Variants in IL1RAPL2 observed in about 807,000 individuals in gnomAD.
IL1RAPL2 encodes interleukin 1 receptor accessory protein like 2.
Under a neutral mutation model 44.1 loss-of-function variants are expected in IL1RAPL2, and 3 were observed. That is an observed-to-expected ratio of 0.07 (90% CI 0.03 to 0.18). The LOEUF (loss-of-function observed/expected upper bound fraction) is 0.18. Ranked by LOEUF, IL1RAPL2 falls within the 10% of genes least tolerant of loss-of-function variation. IL1RAPL2 has a pLI of 1.00. For synonymous variants in IL1RAPL2, 181 were observed against 178.8 expected (o/e 1.01, Z -0.10); for missense variants, 391 against 496.4 (o/e 0.79, Z 2.02).
chrX:104,818,330 A>C lies in IL1RAPL2; in HGVS notation c.82+159335A>C, dbSNP rs112124365. Among the ~76,000 whole-genome samples the C allele has an allele frequency of 1.5e-3, 128 of 87,833 alleles. 1 individual carries two copies. Among genetic ancestry groups the C allele is most frequent in the African/African-American group, 5.6e-3 (122 of 21,758 alleles). 76.3% of individuals were successfully genotyped at this position (87,833 alleles called of 115,157 possible). A position where few individuals can be genotyped will look rare whatever the true frequency, so the allele number is the denominator to read the frequency against. ...CTGCACTCCAGCCTGGGCGACAGAG[A>C]GAGACTCCGTCTCAAAAAAAAAAAA... On this transcript the variant is annotated intron_variant, in intron 2 of 10. Coordinates refer to ENST00000372582, the MANE Select transcript of IL1RAPL2 (RefSeq NM_017416.2).
At chrX:105,049,974 A>G (rs1011903876) in intron 2 of IL1RAPL2, among the ~76,000 whole-genome samples, 2 of 111,915 alleles carry the variant, frequency 1.8e-5, no homozygotes, top group East Asian at 5.6e-4. Context: ...AGTTGTCCTT[A>G]TAGTGGTTCT....
intron 2 of IL1RAPL2, among the ~76,000 whole-genome samples, chrX:104,901,600 C>A (rs941107486): frequency 2.7e-5 from 3 of 110,516 alleles, no homozygotes; most frequent in Non-Finnish European, 5.7e-5. Flanking sequence ...CACCAGGTAA[C>A]CTTTCTGTGC....
intron 1 of IL1RAPL2, among the ~76,000 whole-genome samples, chrX:104,581,752 C>T (rs888700011): frequency 3.6e-5 from 4 of 111,513 alleles, no homozygotes; most frequent in Non-Finnish European, 7.5e-5. Context: ...TCGCTGGGAA[C>T]TTCTGACCTC....
At chrX:105,398,014 T>A (rs1046560044) in intron 5 of IL1RAPL2, among the ~76,000 whole-genome samples, 1 of 111,484 alleles carries the variant, frequency 9.0e-6, no homozygotes, top group Non-Finnish European at 1.9e-5. Context: ...AGACCTTTTA[T>A]ACTCAGAGTA....
chrX:105,667,137 A>AT (rs2037777623), intron 6 of IL1RAPL2, among the ~76,000 whole-genome samples: 1 of 111,989 alleles, frequency 8.9e-6, no homozygotes, highest in Non-Finnish European at 1.9e-5. Context: ...ATTGAAGAAT[A>AT]TTTTTTTCCA....
At chrX:105,215,661 AG>A (rs2033851565) in intron 3 of IL1RAPL2, among the ~76,000 whole-genome samples, 1 of 111,764 alleles carries the variant, frequency 8.9e-6, no homozygotes, top group South Asian at 3.7e-4. Context: ...CAACAAAAAG[AG>A]AAAATTTCAG....
chrX:105,027,369 G>A (rs988571806), intron 2 of IL1RAPL2, among the ~76,000 whole-genome samples: 12 of 111,071 alleles, frequency 1.1e-4, no homozygotes, highest in Non-Finnish European at 1.9e-4. Context: ...GGAAACAATC[G>A]TCAAAGTGAA....
intron 6 of IL1RAPL2, among the ~76,000 whole-genome samples, chrX:105,547,302 C>T (rs2036810421): frequency 8.9e-6 from 1 of 112,060 alleles, no homozygotes; most frequent in Admixed American, 9.5e-5. Flanking sequence ...ACTTGTTAGC[C>T]ATTTCAAATG....
chrX:105,561,697 C>G (rs912302205), intron 6 of IL1RAPL2, among the ~76,000 whole-genome samples: 24 of 111,961 alleles, frequency 2.1e-4, no homozygotes, highest in African/African-American at 7.8e-4. Flanking sequence ...AGATACAGTG[C>G]CTATGCTTCA....
intron 2 of IL1RAPL2, among the ~76,000 whole-genome samples, chrX:104,823,856 C>CTTCCTA (rs1399525568): frequency 8.9e-6 from 1 of 112,109 alleles, no homozygotes; most frequent in Non-Finnish European, 1.9e-5. Context: ...GAATTCCTCT[C>CTTCCTA]TTCCTATTTG....
At chrX:105,592,894 T>C (rs2037182818) in intron 6 of IL1RAPL2, among the ~76,000 whole-genome samples, 1 of 111,915 alleles carries the variant, frequency 8.9e-6, no homozygotes, top group African/African-American at 3.2e-5. Context: ...GAGAATCTGA[T>C]GACTATTTGT....
At chrX:105,216,567 T>C (rs1177061873) in intron 3 of IL1RAPL2, among the ~76,000 whole-genome samples, 1 of 110,250 alleles carries the variant, frequency 9.1e-6, no homozygotes, top group Non-Finnish European at 1.9e-5. Flanking sequence ...AAGCTACCAG[T>C]TACTTTCTTC....
intron 6 of IL1RAPL2, among the ~76,000 whole-genome samples, chrX:105,563,435 A>G (rs1292084154): frequency 8.9e-6 from 1 of 111,847 alleles, no homozygotes; most frequent in Non-Finnish European, 1.9e-5. Context: ...AGACCTATGC[A>G]AAAAGAAGCA....
At chrX:104,810,821 AG>A (rs769263045) in intron 2 of IL1RAPL2, among the ~76,000 whole-genome samples, 1 of 112,272 alleles carries the variant, frequency 8.9e-6, no homozygotes, top group South Asian at 3.7e-4. Context: ...GGCAACATTT[AG>A]CCAACTTACA....
At chrX:104,633,592 TTATC>T (rs1280794292) in intron 1 of IL1RAPL2, among the ~76,000 whole-genome samples, 6 of 112,100 alleles carry the variant, frequency 5.4e-5, no homozygotes, top group African/African-American at 1.9e-4. Context: ...GTCAAGGAAT[TTATC>T]TATTTCTTCT....
At chrX:104,754,368 G>A (rs768107014) in intron 2 of IL1RAPL2, among the ~76,000 whole-genome samples, 34 of 111,730 alleles carry the variant, frequency 3.0e-4, no homozygotes, top group Admixed American at 2.7e-3. Flanking sequence ...TGGCTACTGG[G>A]TATTGAAATA....
chrX:105,483,749 G>T (rs2036247623), intron 5 of IL1RAPL2, among the ~76,000 whole-genome samples: 1 of 111,747 alleles, frequency 8.9e-6, no homozygotes, highest in Admixed American at 9.6e-5. Context: ...CAAAGATAAA[G>T]ACTTTACTTT....
At chrX:105,065,737 C>T (rs1344620853) in intron 2 of IL1RAPL2, among the ~76,000 whole-genome samples, 1 of 112,016 alleles carries the variant, frequency 8.9e-6, no homozygotes, top group Non-Finnish European at 1.9e-5. Context: ...GTTCTAACTA[C>T]ACTTTGTTTT....
intron 6 of IL1RAPL2, among the ~76,000 whole-genome samples, chrX:105,667,913 G>A (rs1235211677): frequency 9.0e-6 from 1 of 111,019 alleles, no homozygotes; most frequent in African/African-American, 3.3e-5. Flanking sequence ...AGGTAATTAT[G>A]TTGGTTTTTG....
Sources: allele counts gnomAD v4.1 joint callset (sites outside exome capture counted in the v4.1 genomes callset), GRCh38; gene constraint gnomAD v4.1.1; transcripts MANE v1.5; gene names NCBI Gene and HGNC (gene_info 2026-07-23, HGNC 2026-07-21).